NR3C2: variants seen among roughly 807,000 people sequenced by gnomAD.
NR3C2 encodes mineralocorticoid receptor.
In NR3C2, 15 loss-of-function variants were observed where a neutral mutation model predicts 86.4. The ratio of observed to expected loss-of-function variants is 0.17; its 90% confidence interval spans 0.12 to 0.27. The LOEUF (loss-of-function observed/expected upper bound fraction) is 0.27, where lower values mean the gene tolerates loss of function less well. Among genes scored for constraint, NR3C2 ranks in the 10% least tolerant of loss-of-function variants. The probability of loss-of-function intolerance (pLI) is 1.00; values close to 1 mark genes in which losing one functional copy is unlikely to be tolerated. For synonymous variants in NR3C2, 458 were observed against 450.5 expected (o/e 1.02, Z -0.21); for missense variants, 960 against 1,195.6 (o/e 0.80, Z 2.91).
At chr4:148,220,701 G>C (rs1167923128) in intron 3 of NR3C2, among the ~76,000 whole-genome samples, 2 of 152,162 alleles carry the variant, frequency 1.3e-5, no homozygotes, top group African/African-American at 4.8e-5. Flanking sequence ...GAAACTGAGG[G>C]GGGAGGATGG....
chr4:148,137,550 T>A (rs958813475), intron 6 of NR3C2, among the ~76,000 whole-genome samples: 3 of 152,180 alleles, frequency 2.0e-5, no homozygotes, highest in African/African-American at 7.2e-5. Flanking sequence ...TTTTCCGGCA[T>A]CTGATATATA....
chr4:148,177,079 C>T (rs377090894), intron 4 of NR3C2, among the ~76,000 whole-genome samples: 1 of 152,160 alleles, frequency 6.6e-6, no homozygotes, highest in African/African-American at 2.4e-5. Context: ...TCTACTAACT[C>T]GGCTTTTAAG....
intron 3 of NR3C2, among the ~76,000 whole-genome samples, chr4:148,201,563 T>C (rs1269173074): frequency 6.6e-6 from 1 of 152,210 alleles, no homozygotes; most frequent in Non-Finnish European, 1.5e-5. Flanking sequence ...ACATATAGGT[T>C]GGTCCTGAAT....
intron 2 of NR3C2, among the ~76,000 whole-genome samples, chr4:148,287,832 T>G (rs17484447): frequency 0.26 from 39,787 of 152,024 alleles, 5,328 homozygotes; most frequent in Middle Eastern, 0.44. Flanking sequence ...CTGTCTCGAC[T>G]GCATCATTCA....
intron 4 of NR3C2, among the ~76,000 whole-genome samples, chr4:148,189,698 T>A (rs1425547587): frequency 6.6e-6 from 1 of 152,226 alleles, no homozygotes; most frequent in Non-Finnish European, 1.5e-5. Flanking sequence ...TCAGTCTTTT[T>A]AGTTACCATT....
At chr4:148,383,952 GAA>G (rs60506239) in intron 2 of NR3C2, among the ~76,000 whole-genome samples, 9 of 120,180 alleles carry the variant, frequency 7.5e-5, no homozygotes, top group Admixed American at 9.1e-5. Flanking sequence ...TGTCTCAGGG[GAA>G]AAAAAAAAAA....
intron 1 of NR3C2, among the ~76,000 whole-genome samples, chr4:148,438,696 A>G (rs1362177050): frequency 1.3e-5 from 2 of 152,220 alleles, no homozygotes; most frequent in African/African-American, 4.8e-5. Context: ...CATTAGATAA[A>G]TCTTAGCTGG....
intron 2 of NR3C2, among the ~76,000 whole-genome samples, chr4:148,271,603 A>G (rs1303637018): frequency 6.6e-6 from 1 of 152,116 alleles, no homozygotes; most frequent in Non-Finnish European, 1.5e-5. Flanking sequence ...ATTTTTAAGG[A>G]AAATTTTTTT....
At chr4:148,194,210 A>T (rs1736334935) in intron 4 of NR3C2, among the ~76,000 whole-genome samples, 2 of 152,196 alleles carry the variant, frequency 1.3e-5, no homozygotes, top group Non-Finnish European at 2.9e-5. Context: ...GAAAATTTAT[A>T]TCTTGAGGAT....
At chr4:148,162,919 C>A (rs1193513806) in intron 4 of NR3C2, among the ~76,000 whole-genome samples, 1 of 151,920 alleles carries the variant, frequency 6.6e-6, no homozygotes, top group East Asian at 1.9e-4. Context: ...ACCCTCAGGA[C>A]AAAACATGCT....
intron 2 of NR3C2, among the ~76,000 whole-genome samples, chr4:148,263,669 CAT>C (rs1740239524): frequency 6.6e-6 from 1 of 152,204 alleles, no homozygotes. Context: ...AGGGTCTAAT[CAT>C]AATGCTTAAC....
intron 2 of NR3C2, among the ~76,000 whole-genome samples, chr4:148,279,702 A>G (rs1462192932): frequency 1.3e-5 from 2 of 152,304 alleles, no homozygotes; most frequent in East Asian, 3.9e-4. Flanking sequence ...TACATTCTGT[A>G]CTACACTGTT....
chr4:148,243,413 C>T (rs139411198), intron 3 of NR3C2, among the ~76,000 whole-genome samples: 1 of 152,228 alleles, frequency 6.6e-6, no homozygotes, highest in African/African-American at 2.4e-5. Flanking sequence ...CTCTTTATTA[C>T]AACTCAGACT....
chr4:148,418,146 C>G (rs1051933576), intron 2 of NR3C2, among the ~76,000 whole-genome samples: 2 of 152,150 alleles, frequency 1.3e-5, no homozygotes, highest in Non-Finnish European at 2.9e-5. Context: ...TGATGGTGTT[C>G]ACAAGTGAGA....
chr4:148,230,949 T>C (rs1421007468), intron 3 of NR3C2, among the ~76,000 whole-genome samples: 1 of 152,232 alleles, frequency 6.6e-6, no homozygotes, highest in Non-Finnish European at 1.5e-5. Flanking sequence ...AAACAAGCTC[T>C]TGTAATACAA....
chr4:148,271,703 C>T (rs1031582109), intron 2 of NR3C2, among the ~76,000 whole-genome samples: 2 of 152,044 alleles, frequency 1.3e-5, no homozygotes, highest in East Asian at 3.8e-4. Context: ...TATATTTTGG[C>T]TTTGAGAAAA....
chr4:148,315,472 C>A (rs552474274), intron 2 of NR3C2, among the ~76,000 whole-genome samples: 3 of 152,184 alleles, frequency 2.0e-5, no homozygotes, highest in African/African-American at 7.2e-5. Context: ...TTCTTCACAA[C>A]GATGCTCTCA....
intron 7 of NR3C2, among the ~76,000 whole-genome samples, chr4:148,116,169 T>G (rs1342834240): frequency 2.0e-5 from 3 of 152,224 alleles, no homozygotes; most frequent in African/African-American, 7.2e-5. Flanking sequence ...ATAAATAAGT[T>G]TCACTATCAT....
intron 3 of NR3C2, among the ~76,000 whole-genome samples, chr4:148,235,163 T>G (rs1738684157): frequency 6.6e-6 from 1 of 151,686 alleles, no homozygotes; most frequent in Non-Finnish European, 1.5e-5. Context: ...TTGTAAACAC[T>G]TATAAAAACA....
Sources: gnomAD v4.1 joint callset for allele counts (sites outside exome capture counted in the v4.1 genomes callset) on GRCh38, gnomAD v4.1.1 for gene constraint, MANE v1.5 for transcripts, NCBI Gene and HGNC (gene_info 2026-07-23, HGNC 2026-07-21) for gene names.